The following ZNF366 variants were observed in gnomAD, a reference collection of about 807,000 sequenced individuals.
ZNF366 encodes zinc finger protein 366, also known as dendritic cell-specific transcript protein.
ZNF366 carries 20 observed loss-of-function variants against 47.2 expected under a neutral mutation model. That is an observed-to-expected ratio of 0.42 (90% CI 0.30 to 0.62). The LOEUF (loss-of-function observed/expected upper bound fraction) is 0.62, where lower values mean the gene tolerates loss of function less well. ZNF366 is among the 20% of genes least tolerant of loss of function. The pLI is 0.16. For synonymous variants in ZNF366, 421 were observed against 395.1 expected, an observed-to-expected ratio of 1.07 and a Z score of -0.78; for missense variants, 987 against 976.3, an observed-to-expected ratio of 1.01 and a Z score of -0.15.
At chr5:72,453,635 C>T (rs376502638) in intron 3 of ZNF366, among the ~76,000 whole-genome samples, 2 of 152,218 alleles carry the variant, frequency 1.3e-5, no homozygotes, top group African/African-American at 4.8e-5. Context: ...ATGCAAAGAG[C>T]CTTGTGACAT....
intron 1 of ZNF366, among the ~76,000 whole-genome samples, chr5:72,506,744 A>G (rs1192712495): frequency 1.3e-5 from 2 of 152,196 alleles, no homozygotes; most frequent in African/African-American, 4.8e-5. Flanking sequence ...CTTCTACTTC[A>G]GTGATGCAGA....
chr5:72,500,993 A>G (rs1346133796), intron 1 of ZNF366, among the ~76,000 whole-genome samples: 3 of 152,246 alleles, frequency 2.0e-5, no homozygotes, highest in African/African-American at 7.2e-5. Context: ...AACAAGCAAC[A>G]TTAATTTACT....
intron 1 of ZNF366, among the ~76,000 whole-genome samples, chr5:72,494,927 A>G (rs1744081566): frequency 6.6e-6 from 1 of 152,142 alleles, no homozygotes; most frequent in East Asian, 1.9e-4. Flanking sequence ...ACTGAAACTC[A>G]CTGTAACTTA....
In ZNF366 at chr5:72,476,474, GT is replaced by G. The variant is rs200357621; in HGVS notation, c.-14-14965del. On this transcript the variant is annotated intron_variant, in intron 1 of 4. Transcript: ENST00000318442. ...AAGTGTGAATGGACATGGTGAGTGGGTGAGCATGGCAGCAGAGACATTCTGC... is the reference window on the plus strand; with the variant it reads ...AAGTGTGAATGGACATGGTGAGTGGGGAGCATGGCAGCAGAGACATTCTGC... Among the ~76,000 whole-genome samples, 14 of 152,282 alleles carry G rather than the reference GT, an allele frequency of 9.2e-5. No individual in the cohort carries two copies. The East Asian group carries it at 2.5e-3, about 27-fold the overall frequency.
chr5:72,471,878 G>T (rs1170922301), intron 1 of ZNF366, among the ~76,000 whole-genome samples: 1 of 151,992 alleles, frequency 6.6e-6, no homozygotes, highest in African/African-American at 2.4e-5. Context: ...AAGAGACGGG[G>T]TCTCACTTTG....
Position 72,460,303 on chromosome 5 carries a change from G to A in ZNF366, c.1194C>T (p.Cys398=), listed in dbSNP as rs778373515. The change falls in exon 2 of 5, where the codon TGC becomes TGT. Residue 398 remains cysteine (C), a synonymous_variant. Transcript: ENST00000318442. ...RGPIQYNCSE[C]DKTFQYPSQL... ...GGCTCGGGTACTGGAAGGTCTTGTC[G>A]CACTCGGAGCAGTTGTACTGGATGG... 51 of 1,614,190 alleles carry A rather than the reference G, an allele frequency of 3.2e-5. No individual in the cohort carries two copies. Among genetic ancestry groups the A allele is most frequent in the Non-Finnish European group, 4.3e-5 (51 of 1,180,020 alleles).
intron 1 of ZNF366, chr5:72,493,513 A>AATTGCT (rs1744053406): frequency 6.6e-6 from 1 of 152,204 alleles, no homozygotes; most frequent in South Asian, 2.1e-4. Flanking sequence ...CAAGTATGCA[A>AATTGCT]ACCTATTATA....
intron 2 of ZNF366, among the ~76,000 whole-genome samples, chr5:72,459,544 A>G (rs576259957): frequency 6.6e-6 from 1 of 152,256 alleles, no homozygotes; most frequent in Non-Finnish European, 1.5e-5. Context: ...CCAAACAGAG[A>G]AGGATGCTTT....
At chr5:72,483,319 A>G (rs1743825489) in intron 1 of ZNF366, among the ~76,000 whole-genome samples, 1 of 152,188 alleles carries the variant, frequency 6.6e-6, no homozygotes, top group Non-Finnish European at 1.5e-5. Context: ...GGAGACAAGA[A>G]AGCTCACACT....
intron 3 of ZNF366, among the ~76,000 whole-genome samples, chr5:72,455,430 C>T (rs935181466): frequency 1.3e-5 from 2 of 152,182 alleles, no homozygotes; most frequent in Non-Finnish European, 2.9e-5. Flanking sequence ...GAAAAAACCT[C>T]CATTTCAAAC....
At chr5:72,467,700 C>T (rs376719660) in intron 1 of ZNF366, among the ~76,000 whole-genome samples, 8 of 152,254 alleles carry the variant, frequency 5.3e-5, no homozygotes, top group South Asian at 2.1e-4. Flanking sequence ...CACTCTTCCA[C>T]GAAAGAGAGA....
intron 1 of ZNF366, among the ~76,000 whole-genome samples, chr5:72,469,117 A>G (rs923588076): frequency 1.3e-5 from 2 of 152,222 alleles, no homozygotes; most frequent in Non-Finnish European, 2.9e-5. Context: ...TCTGGTAGAT[A>G]GTACCAGAAA....
rs199863737 is a variant in ZNF366, at chr5:72,460,795, C to G, written c.702G>C (p.Val234=). Residue 234 remains valine (V), a synonymous_variant, in exon 2 of 5, where the codon GTG becomes GTC. Coordinates refer to ENST00000318442, the MANE Select transcript of ZNF366 (RefSeq NM_152625.3). ...ETKQKVERVD[V]NVQIDDSYYV... is the part of the protein sequence containing the mutation. The stretch of plus-strand genomic sequence containing the variant: ...AGTAGCTGTCATCGATCTGCACGTT[C>G]ACGTCCACCCTCTCCACCTTCTGCT... The G allele has an allele frequency of 6.8e-6, 11 of 1,614,238 alleles. No homozygotes were observed. The East Asian group carries it at 2.5e-4, about 36-fold the overall frequency.
At position 72,443,716 on chromosome 5, in the gene ZNF366, C is replaced by G. The variant is rs747944618; in HGVS notation, c.*40G>C. ...ATGCAGAAAGCTATATTTGAACTGC[C>G]TCCTTCTCATTTTCCAAATGTAATT... On this transcript the variant is annotated 3_prime_UTR_variant, in exon 5 of 5. Coordinates refer to ENST00000318442, the MANE Select transcript of ZNF366 (RefSeq NM_152625.3). The G allele has an allele frequency of 6.3e-7, 1 of 1,577,644 alleles. No homozygotes were observed. The highest frequency in any genetic ancestry group is 8.6e-7 in the Non-Finnish European group (1 of 1,162,500).
chr5:72,444,235 C>G lies in ZNF366; in HGVS notation c.1756G>C (p.Glu586Gln), dbSNP rs1369131396. 1 of 1,613,526 alleles carries G rather than the reference C, an allele frequency of 6.2e-7. No individual in the cohort carries two copies. Among genetic ancestry groups the G allele is most frequent in the Non-Finnish European group, 8.5e-7 (1 of 1,180,034 alleles). Residue 586 changes from glutamate (E) to glutamine (Q), a missense_variant, in exon 5 of 5, where the codon GAG (glutamate) becomes CAG (glutamine). By Grantham distance (29) the Glu-to-Gln change is conservative (BLOSUM62 2). Around this residue, in one of 3 missense-constraint regions of ZNF366, gnomAD observed 285 missense variants for 234.8 expected, o/e 1.21. Coordinates refer to ENST00000318442, the MANE Select transcript of ZNF366 (RefSeq NM_152625.3). ...AQTAGVLRSL[E>Q]QEEPFDLSQK... ...GAGAGGTCAAAGGGCTCCTCCTGCT[C>G]CAGACTCCTCAGGACACCGGCTGTC...
At chr5:72,473,921 A>C (rs1004303634) in intron 1 of ZNF366, among the ~76,000 whole-genome samples, 2 of 152,176 alleles carry the variant, frequency 1.3e-5, no homozygotes, top group Non-Finnish European at 2.9e-5. Context: ...TCCTCTTACT[A>C]TGCATTGCTA....
rs990516166 is a variant in ZNF366 at position 72,443,513 on chromosome 5, T to C, written c.*243A>G. On this transcript the variant is annotated 3_prime_UTR_variant, in exon 5 of 5. Transcript: ENST00000318442. ...TAGATATCTGGAAGAATACTCACAG[T>C]TTATTATACTGGCAATGCATAAAAC... The C allele has an allele frequency of 7.2e-5, 32 of 444,454 alleles. No homozygotes were observed. Among genetic ancestry groups the C allele is most frequent in the Non-Finnish European group, 8.7e-5 (22 of 251,632 alleles). The allele number at this position is 444,454 out of a possible 1,614,324, so 27.5% of individuals were successfully genotyped here.
chr5:72,471,760 A>C (rs1191104457), intron 1 of ZNF366, among the ~76,000 whole-genome samples: 1 of 152,236 alleles, frequency 6.6e-6, no homozygotes, highest in African/African-American at 2.4e-5. Flanking sequence ...CACTCAGACA[A>C]AATTAGACTT....
At chr5:72,446,821 C>T (rs1742970762) in intron 4 of ZNF366, among the ~76,000 whole-genome samples, 1 of 152,194 alleles carries the variant, frequency 6.6e-6, no homozygotes. Context: ...ATAAAGGCTG[C>T]ACAGTCAGAA....
Sources: gnomAD v4.1 joint callset for allele counts (sites outside exome capture counted in the v4.1 genomes callset) on GRCh38, gnomAD v4.1.1 for gene constraint, gnomAD v4.1.1 regional missense constraint, MANE v1.5 for transcripts, NCBI Gene and HGNC (gene_info 2026-07-23, HGNC 2026-07-21) for gene names.